Variants in HPCAL1 observed in about 807,000 individuals in gnomAD.
The protein encoded by HPCAL1 is hippocalcin like 1, also known as hippocalcin-like protein 1.
Under a neutral mutation model 17.1 loss-of-function variants are expected in HPCAL1, and 8 were observed. That is an observed-to-expected ratio of 0.47 (90% CI 0.27 to 0.84). The LOEUF is 0.84. Ranked by LOEUF, HPCAL1 falls within the 40% of genes least tolerant of loss-of-function variation. The pLI is 0.13. For missense variants in HPCAL1, 165 were observed against 271.1 expected, an observed-to-expected ratio of 0.61 and a Z score of 2.75; for synonymous variants, 112 against 111.4, an observed-to-expected ratio of 1.01 and a Z score of -0.03.
intron 1 of HPCAL1, among the ~76,000 whole-genome samples, chr2:10,341,641 C>T (rs764680253): frequency 9.2e-5 from 14 of 151,890 alleles, no homozygotes; most frequent in Non-Finnish European, 1.9e-4. Flanking sequence ...AAACACGAGC[C>T]GTGGGCCTTT....
At position 10,423,063 on chromosome 2, in the gene HPCAL1, C is replaced by T. The variant is rs140278205; in HGVS notation, c.459C>T (p.Phe153=). 6.2e-6 allele frequency: 10 copies of T among 1,613,014 alleles called. No individual in the cohort carries two copies. In the African/African-American group the frequency reaches 1.1e-4, roughly 17 times the overall value. Residue 153 remains phenylalanine, a synonymous_variant, in exon 4 of 5, where the codon TTC becomes TTT. Transcript: ENST00000307845. ...STPEKRTDKI[F]RQMDTNNDGK... Reference sequence around the variant, plus strand: ...CGGAGAAGCGCACAGACAAGATCTTCAGGCAGATGGACACCAACAATGACG... The same window carrying T: ...CGGAGAAGCGCACAGACAAGATCTTTAGGCAGATGGACACCAACAATGACG...
At position 10,310,812 on chromosome 2, in the gene HPCAL1, G is replaced by A. The variant is rs1170487654; in HGVS notation, c.-111+7635G>A. ...TTCTGTACAGCAGTGTGTATCGACT[G>A]CAGCGCTCTTTTTCTCTAGCAGCAA... On this transcript the variant is annotated intron_variant, in intron 1 of 4. Coordinates refer to ENST00000307845, the MANE Select transcript of HPCAL1 (RefSeq NM_002149.4). The surrounding 1 kb of genome is among the most constrained non-coding windows in gnomAD (Gnocchi z 4.5). 6.6e-6 allele frequency among the ~76,000 whole-genome samples: 1 copy of A among 152,158 alleles called. No individual in the cohort carries two copies. The highest frequency in any genetic ancestry group is 1.9e-4 in the East Asian group (1 of 5,190).
intron 2 of HPCAL1, among the ~76,000 whole-genome samples, chr2:10,411,270 C>T (rs1033851240): frequency 8.5e-5 from 13 of 152,274 alleles, no homozygotes; most frequent in African/African-American, 2.6e-4. Context: ...GAGGAGGTTA[C>T]AGGACAATGG....
chr2:10,374,994 G>A (rs968723268), intron 1 of HPCAL1, among the ~76,000 whole-genome samples: 2 of 152,196 alleles, frequency 1.3e-5, no homozygotes, highest in Non-Finnish European at 2.9e-5. Flanking sequence ...TGGGCCAGCC[G>A]CAGAGGAGTA....
intron 1 of HPCAL1, among the ~76,000 whole-genome samples, chr2:10,382,932 A>G (rs1668054771): frequency 1.3e-5 from 2 of 152,200 alleles, no homozygotes; most frequent in African/African-American, 2.4e-5. Context: ...TTCCTGTTTA[A>G]GAACAGGAGG....
intron 1 of HPCAL1, among the ~76,000 whole-genome samples, chr2:10,388,625 T>C (rs1255364672): frequency 1.3e-5 from 2 of 152,220 alleles, no homozygotes; most frequent in Admixed American, 6.5e-5. Flanking sequence ...CTGGTATTTT[T>C]GTAGCACTCT....
chr2:10,358,665 G>A (rs942027084), intron 1 of HPCAL1, among the ~76,000 whole-genome samples: 1 of 152,168 alleles, frequency 6.6e-6, no homozygotes, highest in Non-Finnish European at 1.5e-5. Context: ...ACAGATGCCG[G>A]CACGCTGGCA....
intron 2 of HPCAL1, among the ~76,000 whole-genome samples, chr2:10,413,427 A>G (rs999386684): frequency 2.0e-5 from 3 of 152,248 alleles, no homozygotes; most frequent in African/African-American, 7.2e-5. Context: ...CCACAGCAAG[A>G]GTGTCCATTC....
Position 10,382,613 on chromosome 2 carries a change from A to G in HPCAL1, c.-110-14222A>G, listed in dbSNP as rs959333842. Among the ~76,000 whole-genome samples the G allele has an allele frequency of 1.3e-4, 18 of 140,470 alleles. No homozygotes were observed. The South Asian group carries it at 2.5e-3, about 19-fold the overall frequency. 92.2% of individuals were successfully genotyped at this position (140,470 alleles called of 152,430 possible). ...TTAATTAAAAAAAAAAAAAAAAAAA[A>G]GGGAAATGACCACATGCAAAGCACT... On this transcript the variant is annotated intron_variant, in intron 1 of 4. Transcript: ENST00000307845.
chr2:10,360,474 C>T (rs563384215), intron 1 of HPCAL1, among the ~76,000 whole-genome samples: 12 of 152,042 alleles, frequency 7.9e-5, no homozygotes, highest in South Asian at 2.1e-4. Context: ...TGCAGTGGCA[C>T]GATCTCTGTT....
rs1027666177 is a variant in HPCAL1 at position 10,354,274 on chromosome 2, C to A, written c.-110-42561C>A. Reference sequence around the variant, plus strand: ...GCAGCCCTTCAGCCATGCAATCCTGCGTGTCCTCGTTCTTCATTCCACAAA... The same window carrying A: ...GCAGCCCTTCAGCCATGCAATCCTGAGTGTCCTCGTTCTTCATTCCACAAA... On this transcript the variant is annotated intron_variant, in intron 1 of 4. Transcript: ENST00000307845. The surrounding 1 kb of genome is among the most constrained non-coding windows in gnomAD (Gnocchi z 5.1). The A allele has an allele frequency of 6.6e-6, 1 of 152,218 alleles. No homozygotes were observed. The highest frequency in any genetic ancestry group is 2.4e-5 in the African/African-American group (1 of 41,438). The allele number at this position is 152,218 out of a possible 1,614,324, so 9.4% of individuals were successfully genotyped here.
chr2:10,414,437 A>G lies in HPCAL1; in HGVS notation c.-24-5297A>G, dbSNP rs532361813. 4.6e-5 allele frequency among the ~76,000 whole-genome samples: 7 copies of G among 152,264 alleles called. No homozygotes were observed. In the South Asian group the frequency reaches 1.2e-3, roughly 27 times the overall value. ...TGTTTCCTCCAGAGGCCCCTCTCCT[A>G]GAATTGCAGATGGCTGTCATTTTGC... On this transcript the variant is annotated intron_variant, in intron 2 of 4. Transcript: ENST00000307845.
chr2:10,342,905 C>T lies in HPCAL1; in HGVS notation c.-111+39728C>T, dbSNP rs1169082382. Among the ~76,000 whole-genome samples the T allele has an allele frequency of 2.0e-5, 3 of 152,314 alleles. No homozygotes were observed. The highest frequency in any genetic ancestry group is 2.9e-5 in the Non-Finnish European group (2 of 68,038). On this transcript the variant is annotated intron_variant, in intron 1 of 4. Transcript: ENST00000307845. This position sits in a 1 kb window ranked among gnomAD's most constrained non-coding sequence, Gnocchi z 4.1. ...GGTACCTCTCCCCGCTGCCTTCCCCCGGCCCCTTTTTGGACAGGATGTTGC... is the reference window on the plus strand; with the variant it reads ...GGTACCTCTCCCCGCTGCCTTCCCCTGGCCCCTTTTTGGACAGGATGTTGC...
intron 1 of HPCAL1, among the ~76,000 whole-genome samples, chr2:10,381,167 G>C (rs1212945933): frequency 6.6e-6 from 1 of 152,214 alleles, no homozygotes; most frequent in Non-Finnish European, 1.5e-5. Context: ...TGCCCCTGAG[G>C]TGGGCACCAC....
intron 1 of HPCAL1, among the ~76,000 whole-genome samples, chr2:10,396,077 G>T (rs536669281): frequency 2.0e-5 from 3 of 152,206 alleles, no homozygotes; most frequent in Non-Finnish European, 4.4e-5. Context: ...AGAGCTGGCA[G>T]TGAGGGTTGA....
intron 1 of HPCAL1, among the ~76,000 whole-genome samples, chr2:10,328,817 C>T (rs1226446821): frequency 6.6e-6 from 1 of 152,070 alleles, no homozygotes; most frequent in African/African-American, 2.4e-5. Flanking sequence ...CCCATCTGAA[C>T]TTTCTCTGCC....
chr2:10,373,783 A>G (rs1347616243), intron 1 of HPCAL1, among the ~76,000 whole-genome samples: 3 of 151,944 alleles, frequency 2.0e-5, no homozygotes, highest in Non-Finnish European at 2.9e-5. Flanking sequence ...GGTTTATGCC[A>G]TCTTCATGCA....
chr2:10,336,298 T>C (rs1323978290), intron 1 of HPCAL1, among the ~76,000 whole-genome samples: 1 of 152,266 alleles, frequency 6.6e-6, no homozygotes, highest in Non-Finnish European at 1.5e-5. Flanking sequence ...TTTTTCTTAG[T>C]GATTTGTAGA....
At chr2:10,324,039 G>C (rs565019706) in intron 1 of HPCAL1, among the ~76,000 whole-genome samples, 75 of 152,302 alleles carry the variant, frequency 4.9e-4, no homozygotes, top group African/African-American at 1.7e-3. Flanking sequence ...AATTTTTCCA[G>C]TTAATGAAAA....
Sources: gnomAD v4.1 joint callset for allele counts (sites outside exome capture counted in the v4.1 genomes callset) on GRCh38, gnomAD v4.1.1 for gene constraint, Gnocchi (gnomAD v3.1) non-coding constraint, MANE v1.5 for transcripts, NCBI Gene and HGNC (gene_info 2026-07-23, HGNC 2026-07-21) for gene names.